GRXCR1: variants seen among roughly 807,000 people sequenced by gnomAD.
GRXCR1 encodes glutaredoxin and cysteine rich domain containing 1.
A neutral mutation model predicts 27.3 loss-of-function variants in GRXCR1; 27 were observed. The ratio of observed to expected loss-of-function variants is 0.99; its 90% CI spans 0.73 to 1.37. The LOEUF is 1.37. GRXCR1 is among the 40% of genes most tolerant of loss of function. GRXCR1 has a pLI of 0.00. For synonymous variants in GRXCR1, 122 were observed against 131.1 expected, an observed-to-expected ratio of 0.93 and a Z score of 0.47; for missense variants, 379 against 354.4, an observed-to-expected ratio of 1.07 and a Z score of -0.56.
intron 1 of GRXCR1, among the ~76,000 whole-genome samples, chr4:42,912,997 C>T (rs1010618579): frequency 7.2e-5 from 11 of 152,290 alleles, no homozygotes; most frequent in South Asian, 6.2e-4. Flanking sequence ...CACTCATTCT[C>T]TGTCCTGCTG....
intron 3 of GRXCR1, among the ~76,000 whole-genome samples, chr4:43,022,857 T>G (rs1419639652): frequency 6.6e-6 from 1 of 152,218 alleles, no homozygotes; most frequent in Non-Finnish European, 1.5e-5. Flanking sequence ...TAGCAAGATA[T>G]ATTCCCGGCA....
intron 3 of GRXCR1, among the ~76,000 whole-genome samples, chr4:43,025,895 GA>G (rs1451636818): frequency 6.7e-6 from 1 of 150,212 alleles, no homozygotes; most frequent in Non-Finnish European, 1.5e-5. Context: ...AGAATGGCGT[GA>G]ACCAGGGAGG....
At chr4:42,921,897 C>G (rs1330495966) in intron 1 of GRXCR1, among the ~76,000 whole-genome samples, 3 of 152,110 alleles carry the variant, frequency 2.0e-5, no homozygotes, top group Non-Finnish European at 4.4e-5. Flanking sequence ...ATCCTCCTCC[C>G]CTTCCTGTGT....
intron 3 of GRXCR1, among the ~76,000 whole-genome samples, chr4:43,021,889 A>G (rs1357418209): frequency 2.0e-5 from 3 of 152,156 alleles, no homozygotes. Flanking sequence ...CTTGGAAATC[A>G]GAAGATTTTT....
chr4:42,950,641 A>G (rs1012516285), intron 1 of GRXCR1, among the ~76,000 whole-genome samples: 3 of 152,206 alleles, frequency 2.0e-5, no homozygotes, highest in Non-Finnish European at 4.4e-5. Flanking sequence ...TAGTAGTGAT[A>G]GATGGCATGT....
intron 2 of GRXCR1, among the ~76,000 whole-genome samples, chr4:42,988,811 T>C (rs1186143295): frequency 6.6e-6 from 1 of 152,178 alleles, no homozygotes; most frequent in Non-Finnish European, 1.5e-5. Flanking sequence ...AATGCCAGTA[T>C]GCAATATAGT....
intron 3 of GRXCR1, among the ~76,000 whole-genome samples, chr4:43,027,109 G>T (rs1713280632): frequency 6.6e-6 from 1 of 152,184 alleles, no homozygotes; most frequent in South Asian, 2.1e-4. Flanking sequence ...GCTTAAGGTA[G>T]CAGTTAATAA....
At chr4:42,926,017 GAA>G (rs961330231) in intron 1 of GRXCR1, among the ~76,000 whole-genome samples, 1 of 151,914 alleles carries the variant, frequency 6.6e-6, no homozygotes, top group Non-Finnish European at 1.5e-5. Flanking sequence ...AGCTCCTTGA[GAA>G]AAAAAGTTTG....
chr4:43,000,379 G>A (rs988435593), intron 2 of GRXCR1, among the ~76,000 whole-genome samples: 2 of 151,260 alleles, frequency 1.3e-5, no homozygotes, highest in African/African-American at 2.4e-5. Flanking sequence ...AGGAGGCTGA[G>A]GCAGAAGAAT....
chr4:42,951,745 G>A (rs1434291674), intron 1 of GRXCR1, among the ~76,000 whole-genome samples: 1 of 152,138 alleles, frequency 6.6e-6, no homozygotes, highest in African/African-American at 2.4e-5. Flanking sequence ...CAGTGTAAAA[G>A]CATTCCCTTT....
chr4:42,917,549 G>A (rs185527266), intron 1 of GRXCR1, among the ~76,000 whole-genome samples: 1 of 152,228 alleles, frequency 6.6e-6, no homozygotes, highest in East Asian at 1.9e-4. Context: ...CTTACATAGG[G>A]AGAGTGACAA....
chr4:42,940,415 A>C (rs1577914073), intron 1 of GRXCR1, among the ~76,000 whole-genome samples: 1 of 152,184 alleles, frequency 6.6e-6, no homozygotes, highest in South Asian at 2.1e-4. Context: ...AACACCCCAA[A>C]ACTGACTAAT....
At chr4:42,976,430 G>A (rs1031716880) in intron 2 of GRXCR1, among the ~76,000 whole-genome samples, 1 of 151,950 alleles carries the variant, frequency 6.6e-6, no homozygotes, top group African/African-American at 2.4e-5. Context: ...AAGATGCTAT[G>A]TATATCTTTC....
chr4:42,967,754 A>G (rs778511389), intron 2 of GRXCR1, among the ~76,000 whole-genome samples: 13 of 152,030 alleles, frequency 8.6e-5, no homozygotes, highest in Non-Finnish European at 1.2e-4. Context: ...TTTTGCTGAG[A>G]TACAGTTAAG....
intron 1 of GRXCR1, among the ~76,000 whole-genome samples, chr4:42,951,752 CT>C (rs1747888978): frequency 6.6e-6 from 1 of 152,144 alleles, no homozygotes; most frequent in Non-Finnish European, 1.5e-5. Flanking sequence ...AAAGCATTCC[CT>C]TTTCTCCACA....
At chr4:42,991,784 T>C (rs1711983132) in intron 2 of GRXCR1, among the ~76,000 whole-genome samples, 1 of 152,142 alleles carries the variant, frequency 6.6e-6, no homozygotes, top group African/African-American at 2.4e-5. Context: ...AGTTAAAAAG[T>C]AAGTTTTTTT....
chr4:42,986,000 G>A (rs1425729462), intron 2 of GRXCR1, among the ~76,000 whole-genome samples: 1 of 152,128 alleles, frequency 6.6e-6, no homozygotes. Flanking sequence ...TTACAACTGA[G>A]CAAACATCTC....
intron 2 of GRXCR1, among the ~76,000 whole-genome samples, chr4:42,985,967 T>C (rs1452885979): frequency 6.6e-6 from 1 of 152,210 alleles, no homozygotes. Flanking sequence ...AACATCTAGT[T>C]ATTGCCATGA....
chr4:42,995,050 C>T (rs1194306350), intron 2 of GRXCR1, among the ~76,000 whole-genome samples: 1 of 152,032 alleles, frequency 6.6e-6, no homozygotes, highest in Non-Finnish European at 1.5e-5. Flanking sequence ...GTTTATTAAA[C>T]TGAATATTTA....
Sources: allele counts gnomAD v4.1 joint callset (sites outside exome capture counted in the v4.1 genomes callset), GRCh38; gene constraint gnomAD v4.1.1; transcripts MANE v1.5; gene names NCBI Gene and HGNC (gene_info 2026-07-23, HGNC 2026-07-21).